The following GTF2F1 variants were observed in gnomAD, a reference collection of about 807,000 sequenced individuals.
The protein encoded by GTF2F1 is general transcription factor IIF 74 kDa subunit.
In GTF2F1, 39 loss-of-function variants were observed where a neutral mutation model predicts 63.5. That is an observed-to-expected ratio of 0.61 (90% CI 0.48 to 0.80). The LOEUF (loss-of-function observed/expected upper bound fraction) is 0.80. Ranked by LOEUF, GTF2F1 falls within the 30% of genes least tolerant of loss-of-function variation. The probability of loss-of-function intolerance (pLI) is 0.00; values close to 1 mark genes in which losing one functional copy is unlikely to be tolerated. For missense variants in GTF2F1, 657 were observed against 718.3 expected (o/e 0.91, Z 0.97); for synonymous variants, 287 against 285.3 (o/e 1.01, Z -0.06).
rs1237927530 is a variant in GTF2F1, at chr19:6,381,223, C to T, written c.1019-28G>A. Reference sequence around the variant, plus strand: ...GCGGGGCACAGGAAAGGGGTCAGGGCCAGAGCAACCCCGGGACCCGGTGCC... The same window carrying T: ...GCGGGGCACAGGAAAGGGGTCAGGGTCAGAGCAACCCCGGGACCCGGTGCC... On this transcript the variant is annotated intron_variant, in intron 9 of 12. Coordinates refer to ENST00000394456, the MANE Select transcript of GTF2F1 (RefSeq NM_002096.3). The surrounding 1 kb of genome is among the most constrained non-coding windows in gnomAD (Gnocchi z 4.1). 1.8e-5 allele frequency: 28 copies of T among 1,591,328 alleles called. No homozygotes were observed. The highest frequency in any genetic ancestry group is 2.2e-5 in the Non-Finnish European group (26 of 1,169,826).
At chr19:6,387,347 T>C (rs2091977494) in intron 5 of GTF2F1, 42 bp downstream of exon 5, 1 of 1,591,158 alleles carries the variant, frequency 6.3e-7, no homozygotes, top group African/African-American at 1.3e-5. Flanking sequence ...AGGCACCCCA[T>C]TTCCCTCACT....
rs764497704 is a variant in GTF2F1 at position 6,389,696 on chromosome 19, C to T, written c.133-59G>A. On this transcript the variant is annotated intron_variant, in intron 3 of 12. Transcript: ENST00000394456. ...CCTGGCTTTGCTTGCGCAGTGCCCCCCTCCAGGAACGCCCTTCCTTGCCCT... is the reference window on the plus strand; with the variant it reads ...CCTGGCTTTGCTTGCGCAGTGCCCCTCTCCAGGAACGCCCTTCCTTGCCCT... The T allele has an allele frequency of 7.9e-5, 117 of 1,488,074 alleles. No homozygotes were observed. In the African/African-American group the frequency reaches 1.5e-3, roughly 19 times the overall value. 92.2% of individuals were successfully genotyped at this position (1,488,074 alleles called of 1,614,324 possible). A position where few individuals can be genotyped will look rare whatever the true frequency, so the allele number is the denominator to read the frequency against.
At chr19:6,385,661 C>T (rs2091971393) in intron 5 of GTF2F1, among the ~76,000 whole-genome samples, 2 of 152,102 alleles carry the variant, frequency 1.3e-5, no homozygotes, top group Non-Finnish European at 2.9e-5. Flanking sequence ...ACAGAAACTG[C>T]CCCACAGGCT....
At chr19:6,389,363 G>A (rs972758917) in intron 4 of GTF2F1, 81 bp downstream of exon 4, 32 of 1,259,126 alleles carry the variant, frequency 2.5e-5, no homozygotes, top group Non-Finnish European at 3.2e-5. Flanking sequence ...TTCAGAGAGG[G>A]TACCCCACAA....
In GTF2F1 at chr19:6,383,431, C is replaced by G; in HGVS notation, c.562G>C (p.Asp188His). Residue 188 changes from aspartate (D) to histidine (H), a missense_variant, in exon 6 of 13, where the codon GAC (aspartate) becomes CAC (histidine). This residue lies in a region of GTF2F1 where 602 missense variants were observed against 625.6 expected (regional missense o/e 0.96). Coordinates refer to ENST00000394456, the MANE Select transcript of GTF2F1 (RefSeq NM_002096.3). The surrounding 1 kb of genome is among the most constrained non-coding windows in gnomAD (Gnocchi z 4.5). Reference protein sequence around the residue: ...QQRRLKDQDQDEDEEEKEKRG... With the variant: ...QQRRLKDQDQHEDEEEKEKRG... ...TTCTCCTTCTCCTCCTCATCCTCGTCCTGGTCCTGATCCTTGAGCCGCCGC... is the reference window on the plus strand; with the variant it reads ...TTCTCCTTCTCCTCCTCATCCTCGTGCTGGTCCTGATCCTTGAGCCGCCGC... 2.5e-6 allele frequency: 4 copies of G among 1,614,234 alleles called. No individual in the cohort carries two copies. The highest frequency in any genetic ancestry group is 3.4e-6 in the Non-Finnish European group (4 of 1,180,038).
intron 6 of GTF2F1, among the ~76,000 whole-genome samples, chr19:6,382,541 G>C (rs1435938495): frequency 1.3e-5 from 2 of 151,156 alleles, no homozygotes; most frequent in Non-Finnish European, 2.9e-5. Context: ...TGAGGCAGGA[G>C]AATCACTTGA....
Position 6,391,947 on chromosome 19 carries a change from C to A in GTF2F1, c.87G>T (p.Met29Ile). The change falls in exon 3 of 13, where the codon ATG becomes ATT. Residue 29 changes from methionine to isoleucine, a missense_variant. Met to Ile is a conservative substitution (Grantham distance 10, BLOSUM62 1). Around this residue, in one of 2 missense-constraint regions of GTF2F1, gnomAD observed 602 missense variants for 625.6 expected, o/e 0.96. Coordinates refer to ENST00000394456, the MANE Select transcript of GTF2F1 (RefSeq NM_002096.3). ...TGACTTTGTCGGCTGCATTAAAAGC[C>A]ATGATGTTATATTTTTTGGTTGTAT... ...PKNTTKKYNI[M>I]AFNAADKVNF... 1 of 1,581,176 alleles carries A rather than the reference C, an allele frequency of 6.3e-7. No homozygotes were observed. Among genetic ancestry groups the A allele is most frequent in the Non-Finnish European group, 8.6e-7 (1 of 1,161,366 alleles).
Position 6,380,183 on chromosome 19 carries a change from G to T in GTF2F1, c.*98C>A. The stretch of plus-strand genomic sequence containing the variant: ...TCACTGAGAGCCTGAAGTTCTGGAG[G>T]GCAGAGCCATGTATTGGACAGAGCC... On this transcript the variant is annotated 3_prime_UTR_variant, in exon 13 of 13. Coordinates refer to ENST00000394456, the MANE Select transcript of GTF2F1 (RefSeq NM_002096.3). This position sits in a 1 kb window ranked among gnomAD's most constrained non-coding sequence, Gnocchi z 5.3. 1 of 1,027,184 alleles carries T rather than the reference G, an allele frequency of 9.7e-7. No homozygotes were observed. The highest frequency in any genetic ancestry group is 1.5e-6 in the Non-Finnish European group (1 of 648,792). The allele number at this position is 1,027,184 out of a possible 1,614,324, so 63.6% of individuals were successfully genotyped here.
rs376779199 is a variant in GTF2F1 at position 6,381,155 on chromosome 19, A to C, written c.1059T>G (p.Ile353Met). The change falls in exon 10 of 13, where the codon ATT (isoleucine) becomes ATG (methionine). Residue 353 changes from isoleucine (I) to methionine (M), a missense_variant. Physicochemically the swap from Ile to Met is conservative, Grantham distance 10. Coordinates refer to ENST00000394456, the MANE Select transcript of GTF2F1 (RefSeq NM_002096.3). The surrounding 1 kb of genome is among the most constrained non-coding windows in gnomAD (Gnocchi z 4.1). ...AGAGGGCTGAGGAGGCCTCGCTGTC[A>C]ATGTCGCTCTCCTCTGAGCTGTCCG... ...EESDSSEESDIDSEASSALFM... is the reference protein window; with the variant it reads ...EESDSSEESDMDSEASSALFM... The C allele has an allele frequency of 6.2e-6, 10 of 1,611,832 alleles. No homozygotes were observed. The highest frequency in any genetic ancestry group is 5.3e-5 in the African/African-American group (4 of 74,870).
rs1599213803 is a variant in GTF2F1, at chr19:6,387,052, C to CG, written c.497+336dup. On this transcript the variant is annotated intron_variant, in intron 5 of 12. Coordinates refer to ENST00000394456, the MANE Select transcript of GTF2F1 (RefSeq NM_002096.3). ...ATGTCACTGCTAGAGAAACCCTCCTCGGGTGCCCTGCCTGGAGCTGCTGCC... is the reference window on the plus strand; with the variant it reads ...ATGTCACTGCTAGAGAAACCCTCCTCGGGGTGCCCTGCCTGGAGCTGCTGCC... 3 of 292,206 alleles carry CG rather than the reference C, an allele frequency of 1.0e-5. No individual in the cohort carries two copies. In the East Asian group the frequency reaches 2.5e-4, roughly 24 times the overall value. The allele number at this position is 292,206 out of a possible 1,614,324, so 18.1% of individuals were successfully genotyped here.
chr19:6,385,563 G>A lies in GTF2F1; in HGVS notation c.497+1826C>T, dbSNP rs540245938. Among the ~76,000 whole-genome samples, 7 of 152,202 alleles carry A rather than the reference G, an allele frequency of 4.6e-5. 1 individual carries two copies. The South Asian group carries it at 1.0e-3, about 23-fold the overall frequency. On this transcript the variant is annotated intron_variant, in intron 5 of 12. Transcript: ENST00000394456. The stretch of plus-strand genomic sequence containing the variant: ...CCTGCCCCCCCAGCAATGATTGATC[G>A]ACTGATTTTACAGTGGAGCCCCAGG...
At chr19:6,389,223 AAG>A (rs1326993090) in intron 4 of GTF2F1, among the ~76,000 whole-genome samples, 1 of 152,064 alleles carries the variant, frequency 6.6e-6, no homozygotes, top group Non-Finnish European at 1.5e-5. Flanking sequence ...GCGACAGAGC[AAG>A]ACTCTGTCTC....
At chr19:6,387,311 C>T (rs1485671287) in intron 5 of GTF2F1, 78 bp downstream of exon 5, 1 of 1,405,028 alleles carries the variant, frequency 7.1e-7, no homozygotes, top group Non-Finnish European at 9.9e-7. Context: ...GCTCCCAGCA[C>T]AGGGCCTGGT....
At chr19:6,392,371 T>G (rs1451049874) in intron 2 of GTF2F1, 5 of 477,156 alleles carry the variant, frequency 1.0e-5, no homozygotes, top group South Asian at 7.7e-5. Flanking sequence ...TATTGTGAAC[T>G]CAGCCTTGGG....
chr19:6,380,813 G>A lies in GTF2F1; in HGVS notation c.1231+91C>T, dbSNP rs186727244. ...ATCAGGGAGAGACAGGCCTCCACCC[G>A]CATCTCCATCCCCTCTCTGTCCTGA... is the stretch of plus-strand genomic sequence containing the variant. On this transcript the variant is annotated intron_variant, in intron 11 of 12. Transcript: ENST00000394456. The surrounding 1 kb of genome is among the most constrained non-coding windows in gnomAD (Gnocchi z 5.3). 82 of 1,493,786 alleles carry A rather than the reference G, an allele frequency of 5.5e-5. No homozygotes were observed. Among genetic ancestry groups the A allele is most frequent in the South Asian group, 3.6e-4 (29 of 80,268 alleles). 92.5% of individuals were successfully genotyped at this position (1,493,786 alleles called of 1,614,324 possible). A position where few individuals can be genotyped will look rare whatever the true frequency, so the allele number is the denominator to read the frequency against.
At chr19:6,389,982 G>A (rs1449463958) in intron 3 of GTF2F1, among the ~76,000 whole-genome samples, 1 of 152,178 alleles carries the variant, frequency 6.6e-6, no homozygotes. Flanking sequence ...ATCTACAGCA[G>A]GCATCTGGTT....
chr19:6,392,367 G>A, intron 2 of GTF2F1: 1 of 477,008 alleles, frequency 2.1e-6, no homozygotes, highest in Non-Finnish European at 4.1e-6. Flanking sequence ...AGATTATTGT[G>A]AACTCAGCCT....
chr19:6,392,741 T>C (rs978445946), intron 2 of GTF2F1, 116 bp downstream of exon 2: 14 of 1,016,466 alleles, frequency 1.4e-5, no homozygotes, highest in Non-Finnish European at 2.2e-5. Flanking sequence ...CCTCCAAGTC[T>C]CTCCCGGTCT....
chr19:6,381,477 AC>A lies in GTF2F1; in HGVS notation c.899del (p.Gly300ValfsTer115). 1 of 1,607,486 alleles carries A rather than the reference AC, an allele frequency of 6.2e-7. No homozygotes were observed. The highest frequency in any genetic ancestry group is 8.5e-7 in the Non-Finnish European group (1 of 1,179,170). On this transcript the variant is annotated frameshift_variant and splice_region_variant, in exon 9 of 13. Transcript: ENST00000394456. LOFTEE classifies it high-confidence loss of function. This position sits in a 1 kb window ranked among gnomAD's most constrained non-coding sequence, Gnocchi z 4.1. ...KAPQQEEGPKGVDEQSDSSEE... is the reference protein window; with the variant it reads ...KAPQQEEGPKXVDEQSDSSEE... ...CACTACTGTCGCTCTGCTCATCGACACCTGGGAGGGGCAGGGTATGAGCAAG... is the reference window on the plus strand; with the variant it reads ...CACTACTGTCGCTCTGCTCATCGACACTGGGAGGGGCAGGGTATGAGCAAG...
Sources: allele counts gnomAD v4.1 joint callset (sites outside exome capture counted in the v4.1 genomes callset), GRCh38; gene constraint gnomAD v4.1.1; regional missense constraint gnomAD v4.1.1; non-coding constraint Gnocchi (gnomAD v3.1); transcripts MANE v1.5; gene names NCBI Gene and HGNC (gene_info 2026-07-23, HGNC 2026-07-21).